The following TFRC variants were observed in gnomAD, a reference collection of about 807,000 sequenced individuals.
TFRC encodes the protein transferrin receptor, also known as transferrin receptor protein 1.
A neutral mutation model predicts 85.8 loss-of-function variants in TFRC; 35 were observed. That is an observed-to-expected ratio of 0.41 (90% CI 0.31 to 0.54). The LOEUF is 0.54. TFRC is among the 20% of genes least tolerant of loss of function. The pLI is 0.31. For missense variants in TFRC, 828 were observed against 921.5 expected (o/e 0.90, Z 1.31); for synonymous variants, 362 against 328.6 (o/e 1.10, Z -1.10).
chr3:196,053,105 ACT>A (rs957378534), intron 18 of TFRC, among the ~76,000 whole-genome samples: 12 of 149,650 alleles, frequency 8.0e-5, no homozygotes, highest in Non-Finnish European at 1.6e-4. Flanking sequence ...CAACAGTGAA[ACT>A]CTGTCTCAAA....
chr3:196,069,916 T>C (rs1192896496), intron 6 of TFRC, among the ~76,000 whole-genome samples: 1 of 152,202 alleles, frequency 6.6e-6, no homozygotes, highest in African/African-American at 2.4e-5. Flanking sequence ...AGGTTTTAAC[T>C]GAAAGGTCTG....
chr3:196,067,221 C>A (rs1437189934), intron 9 of TFRC, among the ~76,000 whole-genome samples: 1 of 152,234 alleles, frequency 6.6e-6, no homozygotes. Context: ...CTGCTATAGG[C>A]ATCGTGCTTC....
intron 2 of TFRC, among the ~76,000 whole-genome samples, chr3:196,076,616 A>AT (rs746885459): frequency 0.082 from 11,944 of 144,868 alleles, 500 homozygotes; most frequent in Middle Eastern, 0.1. Context: ...CACTCAGCTA[A>AT]TTTTTTTTTT....
intron 11 of TFRC, 47 bp downstream of exon 11, chr3:196,064,262 T>C: frequency 3.2e-6 from 5 of 1,579,802 alleles, no homozygotes; most frequent in Middle Eastern, 1.7e-4. Flanking sequence ...CATCTAGAAC[T>C]GTATGCAGTG....
intron 7 of TFRC, 78 bp from the exon 8 acceptor site, chr3:196,068,208 A>C (rs1717892329): frequency 1.0e-6 from 1 of 1,000,550 alleles, no homozygotes; most frequent in African/African-American, 1.6e-5. Flanking sequence ...CATTATGCTA[A>C]AGGCCAAATG....
chr3:196,079,099 C>G (rs1432982733), intron 1 of TFRC, among the ~76,000 whole-genome samples: 1 of 152,116 alleles, frequency 6.6e-6, no homozygotes, highest in African/African-American at 2.4e-5. Flanking sequence ...CCACTGCGCC[C>G]AGCCAGAAGC....
chr3:196,065,989 C>CAA (rs41295865), intron 9 of TFRC, among the ~76,000 whole-genome samples: 45 of 128,278 alleles, frequency 3.5e-4, no homozygotes, highest in Non-Finnish European at 6.4e-4. Context: ...AGTCCTGTCT[C>CAA]AAAAAAAAAC....
chr3:196,057,799 CAAAACAA>C (rs1256790042), intron 16 of TFRC, among the ~76,000 whole-genome samples: 1 of 136,388 alleles, frequency 7.3e-6, no homozygotes, highest in Non-Finnish European at 1.6e-5. Context: ...AAAAAAAAAA[CAAAACAA>C]AAAACAAACA....
chr3:196,062,641 T>C lies in TFRC; in HGVS notation c.1409A>G (p.Tyr470Cys). Reference protein sequence around the residue: ...SVGATEWLEGYLSSLHLKAFT... With the variant: ...SVGATEWLEGCLSSLHLKAFT... ...AGCCTTTAAATGCAGGGACGAAAGG[T>C]ATCCCTAGAAGAGAAGGGAAAACAC... is the stretch of plus-strand genomic sequence containing the variant. The change falls in exon 13 of 19, where the codon TAC (tyrosine) becomes TGC (cysteine). Residue 470 changes from tyrosine (Y) to cysteine (C), a missense_variant. Physicochemically the swap from Tyr to Cys is radical, Grantham distance 194 (BLOSUM62 -2). Coordinates refer to ENST00000360110, the MANE Select transcript of TFRC (RefSeq NM_001128148.3). 1.2e-6 allele frequency: 2 copies of C among 1,609,024 alleles called. No individual in the cohort carries two copies. Among genetic ancestry groups the C allele is most frequent in the Non-Finnish European group, 1.7e-6 (2 of 1,178,480 alleles).
chr3:196,053,057 TGAGC>T (rs1716470033), intron 18 of TFRC, among the ~76,000 whole-genome samples: 1 of 151,510 alleles, frequency 6.6e-6, no homozygotes. Flanking sequence ...GAGGGTGCAG[TGAGC>T]CGAGACCGTG....
At chr3:196,075,412 A>T (rs1718602169) in intron 2 of TFRC, 52 bp from the exon 3 acceptor site, 1 of 1,585,222 alleles carries the variant, frequency 6.3e-7, no homozygotes, top group Non-Finnish European at 8.7e-7. Context: ...ATGTTTAGGA[A>T]AAGCTCGTTT....
intron 16 of TFRC, among the ~76,000 whole-genome samples, chr3:196,055,873 T>C (rs781710741): frequency 2.0e-5 from 3 of 151,508 alleles, no homozygotes; most frequent in Non-Finnish European, 2.9e-5. Context: ...GGTCTCTCTC[T>C]GTCACCCAGG....
chr3:196,065,051 A>G (rs766013047), intron 10 of TFRC, among the ~76,000 whole-genome samples: 17 of 152,080 alleles, frequency 1.1e-4, no homozygotes, highest in Non-Finnish European at 1.5e-4. Flanking sequence ...TGAGGTCAGG[A>G]GCTCTGACCT....
chr3:196,079,694 A>G (rs1241871908), intron 1 of TFRC, among the ~76,000 whole-genome samples: 2 of 152,208 alleles, frequency 1.3e-5, no homozygotes, highest in Non-Finnish European at 2.9e-5. Context: ...ACAACAATTC[A>G]ATTTCTCACA....
intron 16 of TFRC, among the ~76,000 whole-genome samples, chr3:196,056,425 G>A (rs188319068): frequency 0.01 from 1,545 of 152,172 alleles, 11 homozygotes; most frequent in Non-Finnish European, 0.017. Context: ...GTTGTTAGAC[G>A]ATCTTGCTCT....
intron 1 of TFRC, among the ~76,000 whole-genome samples, chr3:196,080,056 G>T (rs1719039792): frequency 6.6e-6 from 1 of 152,156 alleles, no homozygotes; most frequent in Non-Finnish European, 1.5e-5. Context: ...GAAAACATTG[G>T]ACCAGGAATC....
chr3:196,062,351 G>C (rs1025257176), intron 13 of TFRC: 10 of 479,158 alleles, frequency 2.1e-5, no homozygotes, highest in African/African-American at 1.8e-4. Context: ...GGCCAACATA[G>C]TGAAGCCCTG....
chr3:196,065,904 G>A (rs1440547518), intron 9 of TFRC, among the ~76,000 whole-genome samples: 3 of 151,640 alleles, frequency 2.0e-5, no homozygotes, highest in South Asian at 2.1e-4. Context: ...GAGGAGAATC[G>A]CTTGAACCTG....
In TFRC at chr3:196,058,333, G is replaced by A. The variant is rs1217296156; in HGVS notation, c.1628C>T (p.Pro543Leu). Residue 543 changes from proline to leucine, a missense_variant, in exon 16 of 19, where the codon CCT becomes CTT. Coordinates refer to ENST00000360110, the MANE Select transcript of TFRC (RefSeq NM_001128148.3). ...TGGGATTCCAGAATATGCAAGGAAA[G>A]GGAAAGCAGCATTGTCTAAAGTGAG... ...EKLTLDNAAF[P>L]FLAYSGIPAV... 1.2e-6 allele frequency: 2 copies of A among 1,613,896 alleles called. No individual in the cohort carries two copies. The highest frequency in any genetic ancestry group is 1.7e-6 in the Non-Finnish European group (2 of 1,179,964).
Sources: allele counts gnomAD v4.1 joint callset (sites outside exome capture counted in the v4.1 genomes callset), GRCh38; gene constraint gnomAD v4.1.1; transcripts MANE v1.5; gene names NCBI Gene and HGNC (gene_info 2026-07-23, HGNC 2026-07-21).